Variants in LRRC7 observed in about 807,000 individuals in gnomAD.
LRRC7 encodes the protein leucine rich repeat containing 7, also known as leucine-rich repeat-containing protein 7.
Under a neutral mutation model 175.7 loss-of-function variants are expected in LRRC7, and 23 were observed. That is an observed-to-expected ratio of 0.13 (90% confidence interval 0.09 to 0.19). LRRC7 has a LOEUF of 0.19. Among genes scored for constraint, LRRC7 ranks in the 10% least tolerant of loss-of-function variants. The pLI is 1.00. For missense variants in LRRC7, 1,354 were observed against 1,904.7 expected, an observed-to-expected ratio of 0.71 and a Z score of 5.38; for synonymous variants, 685 against 680.9, an observed-to-expected ratio of 1.01 and a Z score of -0.09.
At chr1:69,894,795 A>C (rs1645931697) in intron 7 of LRRC7, among the ~76,000 whole-genome samples, 1 of 152,202 alleles carries the variant, frequency 6.6e-6, no homozygotes, top group Non-Finnish European at 1.5e-5. Context: ...AAATAATCAA[A>C]GGTATAGAAG....
At chr1:69,810,412 GA>G (rs529810859) in intron 4 of LRRC7, among the ~76,000 whole-genome samples, 2 of 151,898 alleles carry the variant, frequency 1.3e-5, no homozygotes, top group African/African-American at 2.4e-5. Context: ...CACAGAATTA[GA>G]AAAAAATATT....
intron 7 of LRRC7, among the ~76,000 whole-genome samples, chr1:69,889,014 C>G (rs1645749417): frequency 6.6e-6 from 1 of 152,160 alleles, no homozygotes; most frequent in South Asian, 2.1e-4. Context: ...ATTATGTTTA[C>G]AATATACTGT....
rs142670557 is a variant in LRRC7 at position 69,759,915 on chromosome 1, T to C, written c.101-276T>C. 7.3e-4 allele frequency among the ~76,000 whole-genome samples: 111 copies of C among 152,180 alleles called. No individual in the cohort carries two copies. The East Asian group carries it at 0.02, about 27-fold the overall frequency. ...ATTGAACTGAGACAGGATTGTATCC[T>C]AATTCGATTCTGCCATTCCAAAGCT... On this transcript the variant is annotated intron_variant, in intron 2 of 26. Coordinates refer to ENST00000651989, the MANE Select transcript of LRRC7 (RefSeq NM_001370785.2).
chr1:69,841,997 T>C (rs1323940556), intron 7 of LRRC7, among the ~76,000 whole-genome samples: 1 of 152,070 alleles, frequency 6.6e-6, no homozygotes, highest in Non-Finnish European at 1.5e-5. Context: ...ACACACATTT[T>C]CTCTCTCTCT....
At chr1:69,989,687 T>G (rs1654249870) in intron 10 of LRRC7, among the ~76,000 whole-genome samples, 1 of 151,818 alleles carries the variant, frequency 6.6e-6, no homozygotes, top group Non-Finnish European at 1.5e-5. Context: ...ATTCCAGAAA[T>G]ACAGAACAGA....
intron 7 of LRRC7, among the ~76,000 whole-genome samples, chr1:69,918,910 T>C (rs893894786): frequency 1.3e-5 from 2 of 152,152 alleles, no homozygotes; most frequent in Non-Finnish European, 2.9e-5. Flanking sequence ...AAGAAAATTG[T>C]TGCCCATTCA....
At chr1:70,007,098 A>G (rs1656059119) in intron 11 of LRRC7, among the ~76,000 whole-genome samples, 1 of 152,132 alleles carries the variant, frequency 6.6e-6, no homozygotes, top group Admixed American at 6.5e-5. Flanking sequence ...CTCAACGTTC[A>G]GCCTCTCTCC....
chr1:69,701,696 C>T (rs894401244), intron 2 of LRRC7, among the ~76,000 whole-genome samples: 3 of 152,082 alleles, frequency 2.0e-5, no homozygotes, highest in Admixed American at 6.6e-5. Flanking sequence ...AGTGTTCCTA[C>T]GAAATAAAAG....
intron 20 of LRRC7, 143 bp from the exon 21 acceptor site, chr1:70,037,970 A>C (rs1376382719): frequency 8.6e-7 from 1 of 1,162,218 alleles, no homozygotes; most frequent in Non-Finnish European, 1.2e-6. Context: ...ATATGAAATA[A>C]TAATACTATC....
At chr1:69,839,726 C>G (rs1348868179) in intron 7 of LRRC7, among the ~76,000 whole-genome samples, 3 of 151,982 alleles carry the variant, frequency 2.0e-5, no homozygotes, top group African/African-American at 7.2e-5. Flanking sequence ...TCCCTCTGTT[C>G]TCAAATAATG....
chr1:70,036,353 CTTAA>C, intron 19 of LRRC7, 87 bp from the exon 20 acceptor site: 1 of 1,430,172 alleles, frequency 7.0e-7, no homozygotes, highest in South Asian at 1.3e-5. Context: ...CATTTCTAAC[CTTAA>C]TCGGTATGGT....
intron 2 of LRRC7, among the ~76,000 whole-genome samples, chr1:69,721,178 A>T (rs952943962): frequency 6.6e-6 from 1 of 151,824 alleles, no homozygotes; most frequent in African/African-American, 2.4e-5. Context: ...GACATCCCAC[A>T]CAAGAGTGTT....
At chr1:69,776,730 T>A (rs115884083) in intron 3 of LRRC7, among the ~76,000 whole-genome samples, 1 of 151,908 alleles carries the variant, frequency 6.6e-6, no homozygotes, top group Non-Finnish European at 1.5e-5. Context: ...TGTGTGTGGG[T>A]GGGTGTGTCT....
At chr1:69,772,317 A>C (rs1250246787) in intron 3 of LRRC7, among the ~76,000 whole-genome samples, 1 of 151,892 alleles carries the variant, frequency 6.6e-6, no homozygotes, top group Non-Finnish European at 1.5e-5. Flanking sequence ...CAAAGGGGAC[A>C]CTCTAAGGAG....
chr1:69,787,601 C>T (rs1489916419), intron 3 of LRRC7, among the ~76,000 whole-genome samples: 1 of 152,178 alleles, frequency 6.6e-6, no homozygotes, highest in Non-Finnish European at 1.5e-5. Context: ...AGGCTTGGGG[C>T]TTGCACCCTC....
intron 26 of LRRC7, among the ~76,000 whole-genome samples, chr1:70,115,280 G>A (rs1182964662): frequency 1.3e-5 from 2 of 152,204 alleles, no homozygotes; most frequent in Non-Finnish European, 2.9e-5. Context: ...AGATGTCCCT[G>A]CAGAAGCATT....
intron 1 of LRRC7, among the ~76,000 whole-genome samples, chr1:69,630,919 A>G (rs1325807358): frequency 3.9e-5 from 6 of 152,156 alleles, no homozygotes; most frequent in South Asian, 2.1e-4. Context: ...AATTGCTTAT[A>G]TAGCCAGATC....
At chr1:69,848,104 G>T (rs1022484319) in intron 7 of LRRC7, among the ~76,000 whole-genome samples, 1 of 152,010 alleles carries the variant, frequency 6.6e-6, no homozygotes, top group Non-Finnish European at 1.5e-5. Flanking sequence ...CATGAAATTA[G>T]CCATAGATTT....
chr1:70,142,214 CTCT>C lies in LRRC7; in HGVS notation c.*20329_*20331del, dbSNP rs1374293987. The C allele has an allele frequency of 6.6e-6, 1 of 152,170 alleles. No individual in the cohort carries two copies. The highest frequency in any genetic ancestry group is 2.1e-4 in the South Asian group (1 of 4,816). 9.4% of individuals were successfully genotyped at this position (152,170 alleles called of 1,614,324 possible). On this transcript the variant is annotated 3_prime_UTR_variant, in exon 27 of 27. Transcript: ENST00000651989. ...ACTTGTAGTCTTTCCACTCAGAGGA[CTCT>C]TATTTGGCTTGAATGTGGAAAAGGC...
Sources: allele counts gnomAD v4.1 joint callset (sites outside exome capture counted in the v4.1 genomes callset), GRCh38; gene constraint gnomAD v4.1.1; transcripts MANE v1.5; gene names NCBI Gene and HGNC (gene_info 2026-07-23, HGNC 2026-07-21).